Variants in MCF2L2 observed in about 807,000 individuals in gnomAD.
The protein encoded by MCF2L2 is probable guanine nucleotide exchange factor MCF2L2.
Under a neutral mutation model 150.2 loss-of-function variants are expected in MCF2L2, and 102 were observed. The observed-to-expected ratio is 0.68, with a 90% CI of 0.58 to 0.80. The LOEUF (loss-of-function observed/expected upper bound fraction) is 0.80, where lower values mean the gene tolerates loss of function less well. MCF2L2 is among the 30% of genes least tolerant of loss of function. The pLI, the probability that MCF2L2 is intolerant of heterozygous loss-of-function variation, is 0.00. For synonymous variants in MCF2L2, 465 were observed against 491.3 expected (o/e 0.95, Z 0.71); for missense variants, 1,256 against 1,372.8 (o/e 0.91, Z 1.34).
intron 15 of MCF2L2, chr3:183,269,907 A>T: frequency 6.2e-7 from 1 of 1,614,102 alleles, no homozygotes; most frequent in East Asian, 2.2e-5. Flanking sequence ...ACCAATCGAT[A>T]ATCACATTGT....
At chr3:183,260,032 G>A (rs1358255038) in intron 15 of MCF2L2, among the ~76,000 whole-genome samples, 1 of 148,508 alleles carries the variant, frequency 6.7e-6, no homozygotes, top group Non-Finnish European at 1.5e-5. Flanking sequence ...CTCCCCTCCC[G>A]ATGAGAACTG....
intron 3 of MCF2L2, among the ~76,000 whole-genome samples, chr3:183,355,613 A>ATTTTTTTT (rs71185653): frequency 1.2e-5 from 1 of 84,448 alleles, no homozygotes; most frequent in Non-Finnish European, 2.2e-5. Context: ...CGCCCAGCTA[A>ATTTTTTTT]TTTTTTTTTT....
At chr3:183,328,882 C>T (rs1046498780) in intron 5 of MCF2L2, among the ~76,000 whole-genome samples, 2 of 152,166 alleles carry the variant, frequency 1.3e-5, no homozygotes, top group African/African-American at 4.8e-5. Context: ...TGAACAGAAG[C>T]ATCACCAAAG....
At chr3:183,240,433 G>A (rs979079486) in intron 15 of MCF2L2, among the ~76,000 whole-genome samples, 2 of 152,172 alleles carry the variant, frequency 1.3e-5, no homozygotes, top group Admixed American at 1.3e-4. Context: ...TGGCCAGGCT[G>A]GTCTCGAACT....
intron 1 of MCF2L2, among the ~76,000 whole-genome samples, chr3:183,407,801 T>C (rs1715116823): frequency 6.6e-6 from 1 of 152,060 alleles, no homozygotes; most frequent in Non-Finnish European, 1.5e-5. Flanking sequence ...GGTATAAATA[T>C]TGCAATAGAA....
At position 183,352,379 on chromosome 3, in the gene MCF2L2, C is replaced by T. The variant is rs144581321; in HGVS notation, c.276-10749G>A. Among the ~76,000 whole-genome samples, 697 of 152,198 alleles carry T rather than the reference C, an allele frequency of 4.6e-3. 4 individuals carry two copies. The highest frequency in any genetic ancestry group is 0.016 in the African/African-American group (669 of 41,528). Reference sequence around the variant, plus strand: ...CTCTACTAAAAATGAAAAAATTAGCCGGGCATGGTGGTGCGTGCCTGTAAT... The same window carrying T: ...CTCTACTAAAAATGAAAAAATTAGCTGGGCATGGTGGTGCGTGCCTGTAAT... On this transcript the variant is annotated intron_variant, in intron 3 of 29. Coordinates refer to ENST00000328913, the MANE Select transcript of MCF2L2 (RefSeq NM_015078.4).
chr3:183,272,841 T>A, intron 15 of MCF2L2: 5 of 1,242,720 alleles, frequency 4.0e-6, no homozygotes, highest in Non-Finnish European at 5.1e-6. Flanking sequence ...AAAACATAAG[T>A]GTCTCTGGCC....
chr3:183,337,552 CAAAAAAAA>C (rs61184812), intron 5 of MCF2L2, among the ~76,000 whole-genome samples: 2 of 72,000 alleles, frequency 2.8e-5, no homozygotes, highest in Non-Finnish European at 6.1e-5. Context: ...GACTCCATCT[CAAAAAAAA>C]AAAAAAAAAA....
chr3:183,395,015 T>A (rs1034137561), intron 1 of MCF2L2, among the ~76,000 whole-genome samples: 1 of 152,212 alleles, frequency 6.6e-6, no homozygotes, highest in African/African-American at 2.4e-5. Flanking sequence ...AGGATGATAT[T>A]GAACTAGATT....
rs544935634 is a variant in MCF2L2 at position 183,280,523 on chromosome 3, G to A, written c.1777-3566C>T. Reference sequence around the variant, plus strand: ...TACTTTGTGATTTTAGGAATGTGTAGAAAGTGATTTCAGTTCCAACTCTTT... The same window carrying A: ...TACTTTGTGATTTTAGGAATGTGTAAAAAGTGATTTCAGTTCCAACTCTTT... On this transcript the variant is annotated intron_variant, in intron 14 of 29. Coordinates refer to ENST00000328913, the MANE Select transcript of MCF2L2 (RefSeq NM_015078.4). Among the ~76,000 whole-genome samples, 14 of 152,032 alleles carry A rather than the reference G, an allele frequency of 9.2e-5. No individual in the cohort carries two copies. The East Asian group carries it at 2.7e-3, about 29-fold the overall frequency.
At chr3:183,416,573 A>G (rs1359444799) in intron 1 of MCF2L2, among the ~76,000 whole-genome samples, 1 of 152,232 alleles carries the variant, frequency 6.6e-6, no homozygotes, top group African/African-American at 2.4e-5. Flanking sequence ...AATGCTGGCA[A>G]CACAGCAGAC....
Position 183,207,638 on chromosome 3 carries a change from A to C in MCF2L2, c.2682T>G (p.Ser894=), listed in dbSNP as rs1722544050. The part of the protein sequence containing the change: ...IRMEPGDQGL[S]PHYSFKKTMK... ...TGGTCTTCTTGAAGCTGTAATGAGG[A>C]GATAATCCCTGGTCCCCAGGCTCCA... Residue 894 remains serine, a synonymous_variant, in exon 23 of 30, where the codon TCT becomes TCG. Transcript: ENST00000328913. 6.2e-7 allele frequency: 1 copy of C among 1,614,012 alleles called. No individual in the cohort carries two copies. Among genetic ancestry groups the C allele is most frequent in the African/African-American group, 1.3e-5 (1 of 74,948 alleles).
chr3:183,356,112 A>G (rs1225075399), intron 3 of MCF2L2, among the ~76,000 whole-genome samples: 1 of 151,992 alleles, frequency 6.6e-6, no homozygotes, highest in Non-Finnish European at 1.5e-5. Context: ...GACCATATGC[A>G]AGAAAGACTC....
At chr3:183,360,357 C>T (rs1712059252) in intron 3 of MCF2L2, among the ~76,000 whole-genome samples, 1 of 152,096 alleles carries the variant, frequency 6.6e-6, no homozygotes, top group Admixed American at 6.6e-5. Flanking sequence ...CACTTGAGCC[C>T]AGGAGTTCAT....
At chr3:183,358,763 G>A (rs1175810409) in intron 3 of MCF2L2, among the ~76,000 whole-genome samples, 2 of 151,866 alleles carry the variant, frequency 1.3e-5, no homozygotes, top group Non-Finnish European at 2.9e-5. Context: ...TGGGACTACA[G>A]GCATGTTCCA....
At chr3:183,341,151 C>A (rs989450226) in intron 4 of MCF2L2, among the ~76,000 whole-genome samples, 1 of 152,164 alleles carries the variant, frequency 6.6e-6, no homozygotes. Context: ...GGGGCTGAGA[C>A]CCTCTGGGAT....
At chr3:183,233,284 G>A (rs2108675240) in intron 15 of MCF2L2, among the ~76,000 whole-genome samples, 1 of 150,978 alleles carries the variant, frequency 6.6e-6, no homozygotes, top group East Asian at 1.9e-4. Flanking sequence ...CCCAGGAGGT[G>A]GAGATTGCAG....
rs528700212 is a variant in MCF2L2 at position 183,318,264 on chromosome 3, C to T, written c.604-47G>A. On this transcript the variant is annotated intron_variant, in intron 6 of 29. Coordinates refer to ENST00000328913, the MANE Select transcript of MCF2L2 (RefSeq NM_015078.4). ...ACAATATGGAGAGATTAACATTCAC[C>T]AACATGCTGTCTTGATGGAAAGACA... The T allele has an allele frequency of 4.4e-6, 7 of 1,598,184 alleles. No homozygotes were observed. In the Admixed American group the frequency reaches 5.0e-5, roughly 11 times the overall value.
At chr3:183,296,776 A>T (rs1362522538) in intron 12 of MCF2L2, 200 bp downstream of exon 12, 4 of 559,936 alleles carry the variant, frequency 7.1e-6, no homozygotes, top group Non-Finnish European at 1.3e-5. Flanking sequence ...GAAATGACTG[A>T]TTTGAGTCAG....
Sources: gnomAD v4.1 joint callset for allele counts (sites outside exome capture counted in the v4.1 genomes callset) on GRCh38, gnomAD v4.1.1 for gene constraint, MANE v1.5 for transcripts, NCBI Gene and HGNC (gene_info 2026-07-23, HGNC 2026-07-21) for gene names.